Variants in CDH13 observed in about 807,000 individuals in gnomAD.
The protein encoded by CDH13 is cadherin-13.
CDH13 carries 24 observed loss-of-function variants against 63.8 expected under a neutral mutation model. The ratio of observed to expected loss-of-function variants is 0.38; its 90% CI spans 0.27 to 0.53. CDH13 has a LOEUF of 0.53. Ranked by LOEUF, CDH13 falls within the 20% of genes least tolerant of loss-of-function variation. The pLI, the probability that CDH13 is intolerant of heterozygous loss-of-function variation, is 0.85. For missense variants in CDH13, 1,049 were observed against 903.1 expected, an observed-to-expected ratio of 1.16 and a Z score of -2.07; for synonymous variants, 503 against 355.3, an observed-to-expected ratio of 1.42 and a Z score of -4.67.
intron 6 of CDH13, among the ~76,000 whole-genome samples, chr16:83,431,950 G>T (rs942323671): frequency 6.6e-6 from 1 of 152,184 alleles, no homozygotes. Flanking sequence ...GGCAGATTTT[G>T]AGCAGAGGAA....
At chr16:83,372,411 G>A (rs1228046500) in intron 6 of CDH13, among the ~76,000 whole-genome samples, 1 of 151,952 alleles carries the variant, frequency 6.6e-6, no homozygotes, top group Middle Eastern at 3.2e-3. Flanking sequence ...CCCAAATTCA[G>A]TGCAAAAAAT....
At chr16:83,471,451 T>C (rs2073450761) in intron 6 of CDH13, among the ~76,000 whole-genome samples, 1 of 152,142 alleles carries the variant, frequency 6.6e-6, no homozygotes, top group Admixed American at 6.5e-5. Context: ...ATTTTTTGTA[T>C]TTTTAGTACA....
rs190470365 is a variant in CDH13 at position 83,602,547 on chromosome 16, A to G, written c.1054A>G (p.Met352Val). 33 of 1,614,056 alleles carry G rather than the reference A, an allele frequency of 2.0e-5. No individual in the cohort carries two copies. The African/African-American group carries it at 3.1e-4, about 15-fold the overall frequency. The change falls in exon 8 of 14, where the codon ATG becomes GTG. Residue 352 changes from methionine (M) to valine (V), a missense_variant. Transcript: ENST00000567109. ...GLTGTATATI[M>V]IDDKNDHSPK... Reference sequence around the variant, plus strand: ...AACAGGCACGGCCACAGCCACGATCATGATCGATGACAAAAATGATCACTC... The same window carrying G: ...AACAGGCACGGCCACAGCCACGATCGTGATCGATGACAAAAATGATCACTC...
intron 7 of CDH13, among the ~76,000 whole-genome samples, chr16:83,532,922 G>A (rs4782813): frequency 2.0e-5 from 3 of 152,188 alleles, no homozygotes; most frequent in South Asian, 4.1e-4. Flanking sequence ...TCTGAGCAGC[G>A]TGGCTTGTTA....
chr16:82,804,878 G>C (rs1803221979), intron 1 of CDH13, among the ~76,000 whole-genome samples: 1 of 152,156 alleles, frequency 6.6e-6, no homozygotes, highest in Admixed American at 6.5e-5. Flanking sequence ...ATCAAAGAAT[G>C]TTCAAATTCC....
intron 1 of CDH13, among the ~76,000 whole-genome samples, chr16:82,803,427 G>A (rs1029344147): frequency 6.6e-6 from 1 of 152,084 alleles, no homozygotes; most frequent in Non-Finnish European, 1.5e-5. Context: ...AAATGACAAT[G>A]ATTATTTAGA....
chr16:82,934,647 G>T (rs1251344134), intron 2 of CDH13, among the ~76,000 whole-genome samples: 1 of 152,046 alleles, frequency 6.6e-6, no homozygotes, highest in Non-Finnish European at 1.5e-5. Flanking sequence ...GCTTCCTCTT[G>T]CAAGCTTTGC....
chr16:83,233,114 A>G (rs1043514790), intron 5 of CDH13, among the ~76,000 whole-genome samples: 8 of 152,172 alleles, frequency 5.3e-5, no homozygotes, highest in Non-Finnish European at 1.2e-4. Context: ...CCCACTTCCT[A>G]AGTAAACAAA....
intron 3 of CDH13, among the ~76,000 whole-genome samples, chr16:83,124,283 A>T (rs1380697666): frequency 2.0e-5 from 3 of 152,104 alleles, no homozygotes; most frequent in African/African-American, 7.2e-5. Flanking sequence ...TGACCTCAGG[A>T]GATCGGCCTG....
chr16:83,545,755 C>T (rs1317922872), intron 7 of CDH13, among the ~76,000 whole-genome samples: 12 of 152,278 alleles, frequency 7.9e-5, no homozygotes, highest in African/African-American at 1.7e-4. Flanking sequence ...CCTCATCTGC[C>T]CACCCTTTAT....
chr16:83,518,209 A>G (rs921066680), intron 7 of CDH13, among the ~76,000 whole-genome samples: 3 of 151,924 alleles, frequency 2.0e-5, no homozygotes, highest in Non-Finnish European at 2.9e-5. Flanking sequence ...CAGTGGCGTG[A>G]TCTTGGCTCA....
intron 5 of CDH13, among the ~76,000 whole-genome samples, chr16:83,293,333 A>G (rs574864105): frequency 1.5e-4 from 23 of 152,280 alleles, no homozygotes; most frequent in African/African-American, 4.1e-4. Context: ...AACCTTCCCC[A>G]TGCCTTCTGG....
intron 5 of CDH13, among the ~76,000 whole-genome samples, chr16:83,228,972 G>A (rs1290864322): frequency 6.6e-6 from 1 of 152,098 alleles, no homozygotes; most frequent in Non-Finnish European, 1.5e-5. Flanking sequence ...AGAAGACCTG[G>A]GTAGTGAATG....
intron 2 of CDH13, among the ~76,000 whole-genome samples, chr16:82,924,224 A>C (rs114620692): frequency 6.6e-5 from 10 of 152,362 alleles, no homozygotes; most frequent in African/African-American, 2.4e-4. Context: ...ACAGAAGATA[A>C]TGATCAAAGG....
At chr16:83,256,390 G>A (rs1046651201) in intron 5 of CDH13, among the ~76,000 whole-genome samples, 5 of 152,006 alleles carry the variant, frequency 3.3e-5, no homozygotes, top group South Asian at 2.1e-4. Flanking sequence ...CCCTGAGATC[G>A]TCAGGACCCA....
chr16:83,099,375 G>A (rs2034361980), intron 3 of CDH13, among the ~76,000 whole-genome samples: 1 of 151,918 alleles, frequency 6.6e-6, no homozygotes, highest in Non-Finnish European at 1.5e-5. Context: ...CCAGGCTGGA[G>A]TGCAACGGTG....
At chr16:82,922,560 T>G (rs2042187755) in intron 2 of CDH13, among the ~76,000 whole-genome samples, 1 of 152,190 alleles carries the variant, frequency 6.6e-6, no homozygotes, top group Admixed American at 6.5e-5. Flanking sequence ...TTAATTAAGG[T>G]AATGTATGCT....
intron 7 of CDH13, among the ~76,000 whole-genome samples, chr16:83,599,367 C>A (rs1186220966): frequency 1.3e-5 from 2 of 152,232 alleles, no homozygotes; most frequent in Non-Finnish European, 2.9e-5. Context: ...AGATCAAAAG[C>A]TAAACATTCT....
At chr16:83,505,910 A>G (rs572447413) in intron 7 of CDH13, among the ~76,000 whole-genome samples, 1 of 152,178 alleles carries the variant, frequency 6.6e-6, no homozygotes, top group African/African-American at 2.4e-5. Flanking sequence ...ACGCATCAGC[A>G]TGTTCCTTCC....
Sources: allele counts gnomAD v4.1 joint callset (sites outside exome capture counted in the v4.1 genomes callset), GRCh38; gene constraint gnomAD v4.1.1; transcripts MANE v1.5; gene names NCBI Gene and HGNC (gene_info 2026-07-23, HGNC 2026-07-21).